DYNC1H1: variants seen among roughly 807,000 people sequenced by gnomAD.
DYNC1H1 encodes cytoplasmic dynein 1 heavy chain 1.
In DYNC1H1, 51 loss-of-function variants were observed where a neutral mutation model predicts 527.1. The observed-to-expected ratio is 0.10, with a 90% CI of 0.08 to 0.12. The LOEUF is 0.12. Ranked by LOEUF, DYNC1H1 falls within the 10% of genes least tolerant of loss-of-function variation. DYNC1H1 has a pLI of 1.00. For missense variants in DYNC1H1, 2,771 were observed against 5,971.8 expected (o/e 0.46, Z 17.66); for synonymous variants, 2,189 against 2,278.8 (o/e 0.96, Z 1.12).
chr14:102,028,207 A>G (rs1008448671), intron 48 of DYNC1H1, 66 bp downstream of exon 48: 8 of 1,582,784 alleles, frequency 5.1e-6, no homozygotes, highest in Admixed American at 1.7e-5. Flanking sequence ...ATAAAACTAA[A>G]TTGCTATAAA....
chr14:102,023,742 A>C (rs2048416067), intron 43 of DYNC1H1: 1 of 152,292 alleles, frequency 6.6e-6, no homozygotes, highest in Non-Finnish European at 1.5e-5. Context: ...CCAGCTACTC[A>C]GGAGTCTGAG....
chr14:102,050,924 G>A lies in DYNC1H1; in HGVS notation c.*361G>A, dbSNP rs1451070104. The A allele has an allele frequency of 5.6e-6, 2 of 358,684 alleles. No individual in the cohort carries two copies. Among genetic ancestry groups the A allele is most frequent in the African/African-American group, 2.1e-5 (1 of 47,028 alleles). 22.2% of individuals were successfully genotyped at this position (358,684 alleles called of 1,614,324 possible). ...GCTTTCATCATGAGCTCGCTCCCGAGCGGCCACAGCACTCATGAATGAAGA... is the reference window on the plus strand; with the variant it reads ...GCTTTCATCATGAGCTCGCTCCCGAACGGCCACAGCACTCATGAATGAAGA... On this transcript the variant is annotated 3_prime_UTR_variant, in exon 78 of 78. Coordinates refer to ENST00000360184, the MANE Select transcript of DYNC1H1 (RefSeq NM_001376.5).
Position 102,016,529 on chromosome 14 carries a change from T to A in DYNC1H1, c.7614+40T>A. 3 of 1,614,138 alleles carry A rather than the reference T, an allele frequency of 1.9e-6. No individual in the cohort carries two copies. Among genetic ancestry groups the A allele is most frequent in the Non-Finnish European group, 2.5e-6 (3 of 1,180,020 alleles). On this transcript the variant is annotated intron_variant, in intron 37 of 77. Coordinates refer to ENST00000360184, the MANE Select transcript of DYNC1H1 (RefSeq NM_001376.5). This position sits in a 1 kb window ranked among gnomAD's most constrained non-coding sequence, Gnocchi z 7.3. ...ACCACCCGTGTTTCTGATTCTCGCCTTGTTGATTTAACTCATCCTGGAACA... is the reference window on the plus strand; with the variant it reads ...ACCACCCGTGTTTCTGATTCTCGCCATGTTGATTTAACTCATCCTGGAACA...
Position 102,011,189 on chromosome 14 carries a change from C to T in DYNC1H1, c.6618+237C>T, listed in dbSNP as rs1232570691. 15 of 569,530 alleles carry T rather than the reference C, an allele frequency of 2.6e-5. No individual in the cohort carries two copies. Among genetic ancestry groups the T allele is most frequent in the Non-Finnish European group, 4.7e-5 (15 of 316,716 alleles). 35.3% of individuals were successfully genotyped at this position (569,530 alleles called of 1,614,324 possible). On this transcript the variant is annotated intron_variant, in intron 32 of 77. Transcript: ENST00000360184. The surrounding 1 kb of genome is among the most constrained non-coding windows in gnomAD (Gnocchi z 5.3). ...TGATACAGTTCAATTTCTGAAAATG[C>T]TAAGTGCATGACTATATTGGAAAGT...
At chr14:101,999,157 T>C (rs567200613) in intron 16 of DYNC1H1, among the ~76,000 whole-genome samples, 2 of 151,726 alleles carry the variant, frequency 1.3e-5, no homozygotes, top group Admixed American at 6.6e-5. Flanking sequence ...GCTGGGATTA[T>C]AGGCGTGAGC....
chr14:101,982,882 G>GT, intron 5 of DYNC1H1, 137 bp from the exon 6 acceptor site: 1 of 1,104,540 alleles, frequency 9.1e-7, no homozygotes, highest in Non-Finnish European at 1.3e-6. Context: ...ATAACGTGTT[G>GT]TTTTTTCAAA....
chr14:101,991,003 G>A (rs1214868220), intron 10 of DYNC1H1, among the ~76,000 whole-genome samples: 3 of 140,302 alleles, frequency 2.1e-5, no homozygotes, highest in African/African-American at 5.5e-5. Flanking sequence ...GTGAGACTCC[G>A]TCTCAAAAAA....
chr14:101,999,932 A>G (rs1367047056), intron 16 of DYNC1H1, 57 bp from the exon 17 acceptor site: 3 of 1,612,834 alleles, frequency 1.9e-6, no homozygotes, highest in East Asian at 4.5e-5. Flanking sequence ...TAAAGCCTAA[A>G]TGCTCATCTC....
chr14:101,972,254 A>G (rs909012744), intron 1 of DYNC1H1, among the ~76,000 whole-genome samples: 1 of 152,020 alleles, frequency 6.6e-6, no homozygotes, highest in Non-Finnish European at 1.5e-5. Flanking sequence ...ATGTCAGATT[A>G]TTATTTGATG....
In DYNC1H1 at chr14:102,038,367, T is replaced by A. The variant is rs1595629096; in HGVS notation, c.10909-93T>A. ...AAGTGGCGGGTGGCTTTTGGGAAGG[T>A]ATGCTTATCCAGAGTAGGACAGCAA... On this transcript the variant is annotated intron_variant, in intron 57 of 77. Coordinates refer to ENST00000360184, the MANE Select transcript of DYNC1H1 (RefSeq NM_001376.5). The surrounding 1 kb of genome is among the most constrained non-coding windows in gnomAD (Gnocchi z 7.2). 62 of 1,543,588 alleles carry A rather than the reference T, an allele frequency of 4.0e-5. 3 individuals carry two copies. The South Asian group carries it at 7.2e-4, about 18-fold the overall frequency.
At chr14:102,022,672 C>T (rs2048398884) in intron 42 of DYNC1H1, 79 bp from the exon 43 acceptor site, 1 of 1,603,636 alleles carries the variant, frequency 6.2e-7, no homozygotes, top group Admixed American at 1.7e-5. Context: ...GAGCCCACAG[C>T]ACCCACAAAC....
rs1284156336 is a variant in DYNC1H1 at position 102,016,367 on chromosome 14, A to G, written c.7492A>G (p.Ile2498Val). 2 of 1,614,228 alleles carry G rather than the reference A, an allele frequency of 1.2e-6. No individual in the cohort carries two copies. The highest frequency in any genetic ancestry group is 1.3e-5 in the African/African-American group (1 of 75,058). ...RYIQRYLVYAILWSLSGDSRL... is the reference protein window; with the variant it reads ...RYIQRYLVYAVLWSLSGDSRL... ...TTAATAGCGATATCTGGTTTATGCC[A>G]TACTCTGGTCCCTGTCTGGAGACAG... Residue 2498 changes from isoleucine (I) to valine (V), a missense_variant, in exon 37 of 78, where the codon ATA (isoleucine) becomes GTA (valine). Ile to Val is a conservative substitution (Grantham distance 29). This residue lies in a region of DYNC1H1 where 71 missense variants were observed against 143.6 expected (regional missense o/e 0.49). Transcript: ENST00000360184. The surrounding 1 kb of genome is among the most constrained non-coding windows in gnomAD (Gnocchi z 7.3).
At chr14:101,984,039 C>T (rs1214427680) in intron 7 of DYNC1H1, among the ~76,000 whole-genome samples, 4 of 152,108 alleles carry the variant, frequency 2.6e-5, no homozygotes, top group Non-Finnish European at 5.9e-5. Flanking sequence ...GTGATCTTGG[C>T]TCACTGCAGC....
chr14:102,006,289 C>G, intron 27 of DYNC1H1, 119 bp downstream of exon 27: 2 of 1,453,506 alleles, frequency 1.4e-6, no homozygotes. Flanking sequence ...GGCTGGAGCA[C>G]AGTGGTGCGA....
At chr14:101,977,753 A>G (rs1475605730) in intron 2 of DYNC1H1, among the ~76,000 whole-genome samples, 12 of 152,210 alleles carry the variant, frequency 7.9e-5, no homozygotes, top group Admixed American at 7.2e-4. Context: ...CAATAGCTTC[A>G]TGGAACTGTT....
At chr14:101,975,571 G>A (rs2047791523) in intron 1 of DYNC1H1, 141 bp from the exon 2 acceptor site, 2 of 763,160 alleles carry the variant, frequency 2.6e-6, no homozygotes, top group Admixed American at 4.7e-5. Context: ...AAACGGATAG[G>A]AAGGGAAAAA....
At position 102,017,301 on chromosome 14, in the gene DYNC1H1, T is replaced by G. The variant is rs2048334232; in HGVS notation, c.8055+7T>G. ...CATATCCTTCATCAGACAGGTTTGT[T>G]TCTATCCACAAGGCCCTTCCTGCCC... On this transcript the variant is annotated splice_region_variant and intron_variant, in intron 39 of 77. Transcript: ENST00000360184. This position sits in a 1 kb window ranked among gnomAD's most constrained non-coding sequence, Gnocchi z 4.6. The G allele has an allele frequency of 6.2e-7, 1 of 1,614,142 alleles. No individual in the cohort carries two copies. The highest frequency in any genetic ancestry group is 8.5e-7 in the Non-Finnish European group (1 of 1,180,056).
chr14:101,981,500 A>G (rs371504064), intron 5 of DYNC1H1, among the ~76,000 whole-genome samples: 1 of 152,244 alleles, frequency 6.6e-6, no homozygotes, highest in Non-Finnish European at 1.5e-5. Flanking sequence ...TAGGTCTACA[A>G]TGTTTGAACA....
rs181893743 is a variant in DYNC1H1 at position 102,053,290 on chromosome 14, G to A, written c.*2727G>A. 1.8e-3 allele frequency: 260 copies of A among 143,860 alleles called. 6 individuals are homozygous for A. The highest frequency in any genetic ancestry group is 6.4e-3 in the Admixed American group (92 of 14,340). The allele number at this position is 143,860 out of a possible 1,614,324, so 8.9% of individuals were successfully genotyped here. ...TGAGTAGCTGGGACTACAGGCGCCCGCTAATTTTTGTATTTTTAGTAGAGA... is the reference window on the plus strand; with the variant it reads ...TGAGTAGCTGGGACTACAGGCGCCCACTAATTTTTGTATTTTTAGTAGAGA... On this transcript the variant is annotated 3_prime_UTR_variant, in exon 78 of 78. Transcript: ENST00000360184.
Sources: allele counts gnomAD v4.1 joint callset (sites outside exome capture counted in the v4.1 genomes callset), GRCh38; gene constraint gnomAD v4.1.1; regional missense constraint gnomAD v4.1.1; non-coding constraint Gnocchi (gnomAD v3.1); transcripts MANE v1.5; gene names NCBI Gene and HGNC (gene_info 2026-07-23, HGNC 2026-07-21).